The following RGL1 variants were observed in gnomAD, a reference collection of about 807,000 sequenced individuals.
RGL1 encodes ral guanine nucleotide dissociation stimulator like 1, also known as ral guanine nucleotide dissociation stimulator-like 1.
Under a neutral mutation model 95.2 loss-of-function variants are expected in RGL1, and 24 were observed. That is an observed-to-expected ratio of 0.25 (90% CI 0.18 to 0.35). RGL1 has a LOEUF of 0.35. Among genes scored for constraint, RGL1 ranks in the 10% least tolerant of loss-of-function variants. The pLI is 1.00. For missense variants in RGL1, 715 were observed against 936.3 expected, an observed-to-expected ratio of 0.76 and a Z score of 3.08; for synonymous variants, 329 against 344.9, an observed-to-expected ratio of 0.95 and a Z score of 0.51.
intron 4 of RGL1, among the ~76,000 whole-genome samples, chr1:183,875,422 C>T (rs901399367): frequency 3.3e-5 from 5 of 152,166 alleles, no homozygotes; most frequent in East Asian, 3.9e-4. Context: ...TGCGCATAAT[C>T]GCTGCCTAAA....
At chr1:183,788,213 T>C (rs1660272775) in intron 2 of RGL1, among the ~76,000 whole-genome samples, 1 of 152,216 alleles carries the variant, frequency 6.6e-6, no homozygotes, top group African/African-American at 2.4e-5. Context: ...AGAAGTCACA[T>C]ATCTGCTGTC....
intron 1 of RGL1, among the ~76,000 whole-genome samples, chr1:183,642,792 A>G (rs1350110096): frequency 1.3e-5 from 2 of 152,252 alleles, no homozygotes; most frequent in Non-Finnish European, 2.9e-5. Context: ...AAAAAAGATT[A>G]TGATAAAATA....
chr1:183,893,266 G>A (rs886853646), intron 9 of RGL1, among the ~76,000 whole-genome samples: 1 of 152,210 alleles, frequency 6.6e-6, no homozygotes, highest in Non-Finnish European at 1.5e-5. Flanking sequence ...ATAGGGGAAA[G>A]TCCTGAACTG....
chr1:183,734,181 A>T (rs1335142899), intron 1 of RGL1, among the ~76,000 whole-genome samples: 1 of 152,208 alleles, frequency 6.6e-6, no homozygotes, highest in East Asian at 1.9e-4. Flanking sequence ...TGTGAATCTA[A>T]CATTTCTAGA....
At chr1:183,669,104 G>C (rs1014922861) in intron 1 of RGL1, among the ~76,000 whole-genome samples, 5 of 151,758 alleles carry the variant, frequency 3.3e-5, no homozygotes, top group African/African-American at 1.2e-4. Context: ...CACCATGCCC[G>C]GCTAATTTTT....
intron 16 of RGL1, among the ~76,000 whole-genome samples, chr1:183,920,298 G>A (rs1158240907): frequency 6.6e-6 from 1 of 152,150 alleles, no homozygotes; most frequent in Admixed American, 6.5e-5. Flanking sequence ...GCCTCCCAAA[G>A]TTGGTGGGAT....
chr1:183,644,777 C>G (rs746039827), intron 1 of RGL1, among the ~76,000 whole-genome samples: 2 of 151,890 alleles, frequency 1.3e-5, no homozygotes, highest in Non-Finnish European at 2.9e-5. Flanking sequence ...AAAGATGTAA[C>G]GGCAGTTTAA....
intron 1 of RGL1, among the ~76,000 whole-genome samples, chr1:183,689,962 G>C (rs1653845735): frequency 6.6e-6 from 1 of 152,218 alleles, no homozygotes; most frequent in African/African-American, 2.4e-5. Flanking sequence ...GAATCATCTA[G>C]AGGGAAATTG....
chr1:183,639,592 TTTTC>T (rs570785886), intron 1 of RGL1, among the ~76,000 whole-genome samples: 394 of 152,258 alleles, frequency 2.6e-3, no homozygotes, highest in Middle Eastern at 6.8e-3. Flanking sequence ...GAATTTCATT[TTTTC>T]TTTGTTTCAA....
At chr1:183,699,339 GC>G (rs1180424303) in intron 1 of RGL1, among the ~76,000 whole-genome samples, 1 of 152,130 alleles carries the variant, frequency 6.6e-6, no homozygotes, top group Non-Finnish European at 1.5e-5. Flanking sequence ...CTACATCAAG[GC>G]TTGTTCCAAA....
At chr1:183,725,508 A>G (rs1360986064) in intron 1 of RGL1, among the ~76,000 whole-genome samples, 1 of 152,210 alleles carries the variant, frequency 6.6e-6, no homozygotes, top group African/African-American at 2.4e-5. Context: ...CACAAAAGAG[A>G]AAAGCTGGGA....
intron 1 of RGL1, among the ~76,000 whole-genome samples, chr1:183,685,967 A>G (rs2102094878): frequency 6.6e-6 from 1 of 152,332 alleles, no homozygotes; most frequent in Admixed American, 6.5e-5. Flanking sequence ...TATTTATTCA[A>G]TTCATATTTT....
chr1:183,833,854 T>C (rs920336572), intron 2 of RGL1, among the ~76,000 whole-genome samples: 5 of 152,166 alleles, frequency 3.3e-5, no homozygotes, highest in Admixed American at 2.0e-4. Flanking sequence ...TTAATGGCCC[T>C]ACCTGCAGTT....
chr1:183,699,591 G>A (rs1315781818), intron 1 of RGL1, among the ~76,000 whole-genome samples: 4 of 152,008 alleles, frequency 2.6e-5, no homozygotes, highest in African/African-American at 9.7e-5. Context: ...TCTTTATCCA[G>A]GATCCCTTCT....
At chr1:183,835,428 C>T (rs1663577872) in intron 2 of RGL1, among the ~76,000 whole-genome samples, 2 of 152,132 alleles carry the variant, frequency 1.3e-5, no homozygotes, top group African/African-American at 2.4e-5. Flanking sequence ...GAGCAGAACA[C>T]GAGTGCTTTC....
At chr1:183,662,453 C>A (rs1322116741) in intron 1 of RGL1, among the ~76,000 whole-genome samples, 1 of 151,972 alleles carries the variant, frequency 6.6e-6, no homozygotes, top group Non-Finnish European at 1.5e-5. Context: ...AGTGAACTCC[C>A]ATTCACAATT....
At chr1:183,671,656 T>C (rs1016933305) in intron 1 of RGL1, among the ~76,000 whole-genome samples, 1 of 152,104 alleles carries the variant, frequency 6.6e-6, no homozygotes, top group Non-Finnish European at 1.5e-5. Flanking sequence ...ACCACATTTA[T>C]CAAGAAATTT....
At chr1:183,660,423 A>G (rs2102022712) in intron 1 of RGL1, among the ~76,000 whole-genome samples, 1 of 151,764 alleles carries the variant, frequency 6.6e-6, no homozygotes, top group Middle Eastern at 3.4e-3. Context: ...CTCTGATAAA[A>G]CAGACTTTAA....
At position 183,898,953 on chromosome 1, in the gene RGL1, G is replaced by A. The variant is rs982835632; in HGVS notation, c.1230+1056G>A. ...TGGCTTGATGAGATTTAGGATAAGGGATCCATGGGGACCGCTTTTTACTTT... is the reference window on the plus strand; with the variant it reads ...TGGCTTGATGAGATTTAGGATAAGGAATCCATGGGGACCGCTTTTTACTTT... On this transcript the variant is annotated intron_variant, in intron 10 of 17. Transcript: ENST00000360851. Among the ~76,000 whole-genome samples, 53 of 152,192 alleles carry A rather than the reference G, an allele frequency of 3.5e-4. 1 individual carries two copies. The highest frequency in any genetic ancestry group is 2.1e-4 in the South Asian group (1 of 4,822).
Sources: gnomAD v4.1 joint callset for allele counts (sites outside exome capture counted in the v4.1 genomes callset) on GRCh38, gnomAD v4.1.1 for gene constraint, MANE v1.5 for transcripts, NCBI Gene and HGNC (gene_info 2026-07-23, HGNC 2026-07-21) for gene names.